TINAG: variants seen among roughly 807,000 people sequenced by gnomAD.
TINAG encodes tubulointerstitial nephritis antigen.
TINAG carries 83 observed loss-of-function variants against 72.7 expected under a neutral mutation model. That is an observed-to-expected ratio of 1.14 (90% confidence interval 0.96 to 1.37). TINAG has a LOEUF of 1.37. Ranked by LOEUF, TINAG falls within the 40% of genes most tolerant of loss-of-function variation. The pLI is 0.00. For synonymous variants in TINAG, 234 were observed against 189.9 expected, an observed-to-expected ratio of 1.23 and a Z score of -1.91; for missense variants, 685 against 576.6, an observed-to-expected ratio of 1.19 and a Z score of -1.93.
At chr6:54,327,187 G>C in intron 4 of TINAG, 1 of 1,542,104 alleles carries the variant, frequency 6.5e-7, no homozygotes, top group South Asian at 1.2e-5. Flanking sequence ...AACAGCTCTG[G>C]TTGGCAGCTC....
chr6:54,353,536 C>T (rs763441682), intron 8 of TINAG, among the ~76,000 whole-genome samples: 1 of 151,734 alleles, frequency 6.6e-6, no homozygotes, highest in Non-Finnish European at 1.5e-5. Context: ...AGTACAGTTA[C>T]ATAAATTCTT....
chr6:54,380,135 T>G (rs1426752515), intron 9 of TINAG, among the ~76,000 whole-genome samples: 1 of 152,194 alleles, frequency 6.6e-6, no homozygotes, highest in Non-Finnish European at 1.5e-5. Context: ...CTGCATAGTA[T>G]TCCATGGTAT....
chr6:54,350,122 A>G (rs981609335), intron 7 of TINAG, among the ~76,000 whole-genome samples: 1 of 152,094 alleles, frequency 6.6e-6, no homozygotes. Flanking sequence ...TAAAATGTCC[A>G]AGGAAATAGG....
At chr6:54,318,644 TA>T (rs2150933739) in intron 1 of TINAG, among the ~76,000 whole-genome samples, 1 of 152,262 alleles carries the variant, frequency 6.6e-6, no homozygotes, top group African/African-American at 2.4e-5. Context: ...GGTCTTACTC[TA>T]AATTTGATGG....
At chr6:54,360,085 A>G (rs1441827206) in intron 9 of TINAG, among the ~76,000 whole-genome samples, 2 of 151,774 alleles carry the variant, frequency 1.3e-5, no homozygotes, top group Non-Finnish European at 2.9e-5. Context: ...TCCTCCTCTT[A>G]AGGAGTTTAG....
chr6:54,389,923 T>C lies in TINAG; in HGVS notation c.1429T>C (p.Ter477GlnextTer7). The C allele has an allele frequency of 6.2e-7, 1 of 1,608,206 alleles. No individual in the cohort carries two copies. The highest frequency in any genetic ancestry group is 8.5e-7 in the Non-Finnish European group (1 of 1,178,034). Residue 477 changes from the stop codon to glutamine, a stop_lost, in exon 11 of 11, where the codon TAA (stop) becomes CAA (glutamine). Transcript: ENST00000259782. ...CCAACTGACGAGTTCTGATGAACCA[T>C]AACATATCATTAAATTTCCATAAGG... ...WGQLTSSDEP[*>Q]
At position 54,308,459 on chromosome 6, in the gene TINAG, T is replaced by C; in HGVS notation, c.-92T>C. On this transcript the variant is annotated 5_prime_UTR_variant, in exon 1 of 11. Coordinates refer to ENST00000259782, the MANE Select transcript of TINAG (RefSeq NM_014464.4). ...TTTCAGGGTTCAGGCTGAAGTGTCT[T>C]AATGACTAGAATTCAGGTTCCAAGG... The C allele has an allele frequency of 9.4e-7, 1 of 1,064,318 alleles. No individual in the cohort carries two copies. Among genetic ancestry groups the C allele is most frequent in the South Asian group, 1.6e-5 (1 of 61,726 alleles). The allele number at this position is 1,064,318 out of a possible 1,614,324, so 65.9% of individuals were successfully genotyped here. A position where few individuals can be genotyped will look rare whatever the true frequency, so the allele number is the denominator to read the frequency against.
rs1182715571 is a variant in TINAG, at chr6:54,357,381, TC to T, written c.1250+2746del. Reference sequence around the variant, plus strand: ...AAAGCTGACATCAACTGAATTTATATCTCAGCTCAGACCTCTTTCCTGAACT... The same window carrying T: ...AAAGCTGACATCAACTGAATTTATATTCAGCTCAGACCTCTTTCCTGAACT... On this transcript the variant is annotated intron_variant, in intron 9 of 10. Transcript: ENST00000259782. Among the ~76,000 whole-genome samples the T allele has an allele frequency of 2.6e-5, 4 of 151,924 alleles. No individual in the cohort carries two copies. In the East Asian group the frequency reaches 7.8e-4, roughly 29 times the overall value.
chr6:54,346,488 A>G (rs1309511166), intron 5 of TINAG, among the ~76,000 whole-genome samples: 3 of 151,606 alleles, frequency 2.0e-5, no homozygotes, highest in Admixed American at 2.0e-4. Flanking sequence ...AGTTGTATAT[A>G]GCATCACATA....
At chr6:54,355,728 T>C (rs956046693) in intron 9 of TINAG, among the ~76,000 whole-genome samples, 10 of 151,294 alleles carry the variant, frequency 6.6e-5, no homozygotes, top group African/African-American at 2.4e-4. Flanking sequence ...TGTGTGTGTG[T>C]GTGTGTGTGT....
chr6:54,307,885 C>A, upstream of TINAG: 1 of 645,270 alleles, frequency 1.5e-6, no homozygotes, highest in Non-Finnish European at 2.7e-6. Context: ...AGCAGGGACT[C>A]AGGTGGAGAG....
At chr6:54,319,406 G>C (rs1214129220) in intron 1 of TINAG, among the ~76,000 whole-genome samples, 9 of 151,968 alleles carry the variant, frequency 5.9e-5, no homozygotes, top group Admixed American at 5.9e-4. Context: ...CTACATCTCG[G>C]GTTTGCTGCA....
chr6:54,379,965 G>A (rs1582761353), intron 9 of TINAG, among the ~76,000 whole-genome samples: 1 of 151,798 alleles, frequency 6.6e-6, no homozygotes, highest in Admixed American at 6.6e-5. Flanking sequence ...GTGTGTGATG[G>A]TCCCTTCCCT....
intron 10 of TINAG, among the ~76,000 whole-genome samples, chr6:54,385,874 A>C (rs1562189047): frequency 1.4e-5 from 2 of 146,974 alleles, no homozygotes; most frequent in African/African-American, 5.2e-5. Flanking sequence ...AGAAAAAAAA[A>C]CATGATTTTT....
At chr6:54,376,749 A>G (rs1396921191) in intron 9 of TINAG, among the ~76,000 whole-genome samples, 1 of 152,148 alleles carries the variant, frequency 6.6e-6, no homozygotes, top group Non-Finnish European at 1.5e-5. Context: ...GGGTTTTAAT[A>G]CCTTACTCTG....
chr6:54,364,121 T>A (rs938032588), intron 9 of TINAG, among the ~76,000 whole-genome samples: 2 of 151,326 alleles, frequency 1.3e-5, no homozygotes, highest in African/African-American at 4.8e-5. Flanking sequence ...ATTAGATAGT[T>A]TGTAATGGTC....
At chr6:54,366,909 T>C (rs1178117692) in intron 9 of TINAG, 5 of 151,614 alleles carry the variant, frequency 3.3e-5, no homozygotes, top group African/African-American at 2.4e-5. Flanking sequence ...AAGGAACTTA[T>C]GAGTAAGTGT....
chr6:54,332,247 A>T (rs1388200317), intron 4 of TINAG, among the ~76,000 whole-genome samples: 1 of 152,204 alleles, frequency 6.6e-6, no homozygotes. Context: ...CTAAAACAGC[A>T]TGGTACTTGT....
chr6:54,381,876 T>C (rs1436812778), intron 10 of TINAG, among the ~76,000 whole-genome samples: 5 of 152,062 alleles, frequency 3.3e-5, no homozygotes, highest in African/African-American at 9.7e-5. Context: ...TCTTAGCATA[T>C]AGCACTTGAT....
Sources: allele counts gnomAD v4.1 joint callset (sites outside exome capture counted in the v4.1 genomes callset), GRCh38; gene constraint gnomAD v4.1.1; transcripts MANE v1.5; gene names NCBI Gene and HGNC (gene_info 2026-07-23, HGNC 2026-07-21).